Variants in AKAP19 observed in about 807,000 individuals in gnomAD.
AKAP19 encodes small A-kinase anchoring protein.
chr2:190,170,453 G>A, the AKAP19 span, among the ~76,000 whole-genome samples: 10 of 152,198 alleles, frequency 6.6e-5, no homozygotes, highest in Non-Finnish European at 2.9e-5. Context: ...TCTCTGAACT[G>A]TTTCTTCATC....
chr2:190,172,148 G>A, the AKAP19 span, among the ~76,000 whole-genome samples: 1 of 151,988 alleles, frequency 6.6e-6, no homozygotes. Context: ...CTGTTCTTTG[G>A]CATAGGCTAT....
chr2:189,990,593 C>T, the AKAP19 span, among the ~76,000 whole-genome samples: 39 of 152,076 alleles, frequency 2.6e-4, no homozygotes, highest in Non-Finnish European at 3.5e-4. Context: ...GATGTCTTTA[C>T]GAGGCTTTGG....
the AKAP19 span, among the ~76,000 whole-genome samples, chr2:190,089,801 T>TA: frequency 3.3e-5 from 5 of 152,152 alleles, no homozygotes; most frequent in African/African-American, 1.2e-4. Context: ...TCTTGAGTCT[T>TA]ACGTCCTAAG....
At chr2:190,100,706 G>T in the AKAP19 span, among the ~76,000 whole-genome samples, 39 of 152,244 alleles carry the variant, frequency 2.6e-4, no homozygotes, top group African/African-American at 8.2e-4. Flanking sequence ...TTCCAAGACA[G>T]CTGATTAGAG....
At chr2:190,149,051 CCT>C in the AKAP19 span, among the ~76,000 whole-genome samples, 4 of 150,910 alleles carry the variant, frequency 2.7e-5, no homozygotes, top group South Asian at 8.3e-4. Context: ...GCAACCTCTG[CCT>C]CTCAGGTTCA....
chr2:190,044,590 G>T, the AKAP19 span, among the ~76,000 whole-genome samples: 1 of 152,142 alleles, frequency 6.6e-6, no homozygotes, highest in Non-Finnish European at 1.5e-5. Flanking sequence ...GCTGCTACTG[G>T]CTCGATAGCT....
At chr2:190,084,974 G>A in the AKAP19 span, among the ~76,000 whole-genome samples, 1 of 152,202 alleles carries the variant, frequency 6.6e-6, no homozygotes, top group Non-Finnish European at 1.5e-5. Context: ...CAGCCTGGCT[G>A]TAAAGCCCAT....
the AKAP19 span, among the ~76,000 whole-genome samples, chr2:190,068,559 G>A: frequency 6.6e-6 from 1 of 152,060 alleles, no homozygotes; most frequent in Non-Finnish European, 1.5e-5. Flanking sequence ...TCGAACTCCT[G>A]GCCTCAAGTC....
chr2:190,200,432 G>A, the AKAP19 span: 2 of 280,206 alleles, frequency 7.1e-6, no homozygotes, highest in Non-Finnish European at 7.2e-6. Context: ...CTAAGTAATG[G>A]CATCACCAAA....
the AKAP19 span, among the ~76,000 whole-genome samples, chr2:190,140,993 G>A: frequency 6.6e-6 from 1 of 152,134 alleles, no homozygotes; most frequent in Admixed American, 6.5e-5. Flanking sequence ...CAGATCTCTA[G>A]GGCAGGGGAA....
the AKAP19 span, among the ~76,000 whole-genome samples, chr2:190,140,651 C>G: frequency 6.6e-6 from 1 of 152,214 alleles, no homozygotes; most frequent in African/African-American, 2.4e-5. Context: ...AGGCTGCATA[C>G]AGCAGGGAGG....
At chr2:190,081,467 T>C in the AKAP19 span, among the ~76,000 whole-genome samples, 1 of 152,124 alleles carries the variant, frequency 6.6e-6, no homozygotes, top group South Asian at 2.1e-4. Flanking sequence ...CCCTGAAAAT[T>C]ATTTACTCCT....
the AKAP19 span, among the ~76,000 whole-genome samples, chr2:190,168,732 G>A: frequency 6.6e-6 from 1 of 152,140 alleles, no homozygotes; most frequent in Non-Finnish European, 1.5e-5. Context: ...CAGTCTCTTT[G>A]CTAAAACATA....
the AKAP19 span, among the ~76,000 whole-genome samples, chr2:190,083,987 C>A: frequency 6.6e-6 from 1 of 152,064 alleles, no homozygotes; most frequent in African/African-American, 2.4e-5. Flanking sequence ...TATATTATAC[C>A]AGAGCTTCTG....
At chr2:189,909,763 A>T in the AKAP19 span, among the ~76,000 whole-genome samples, 10 of 152,070 alleles carry the variant, frequency 6.6e-5, no homozygotes, top group Non-Finnish European at 1.2e-4. Flanking sequence ...TAATTTTATT[A>T]GGCAAAGAAG....
the AKAP19 span, among the ~76,000 whole-genome samples, chr2:189,897,089 T>A: frequency 6.6e-6 from 1 of 152,124 alleles, no homozygotes; most frequent in African/African-American, 2.4e-5. Flanking sequence ...TGAATGGGGA[T>A]AATGTTTACT....
chr2:190,089,722 A>T, the AKAP19 span: 1 of 152,190 alleles, frequency 6.6e-6, no homozygotes, highest in African/African-American at 2.4e-5. Flanking sequence ...GCTCAAAGGT[A>T]GACATTCAGC....
chr2:189,943,706 C>G, the AKAP19 span, among the ~76,000 whole-genome samples: 2 of 152,244 alleles, frequency 1.3e-5, no homozygotes, highest in Admixed American at 6.5e-5. Context: ...GGGCTGAACC[C>G]TGCAAAGCCA....
the AKAP19 span, among the ~76,000 whole-genome samples, chr2:189,894,823 A>G: frequency 1.4e-3 from 206 of 151,714 alleles, 1 homozygote; most frequent in African/African-American, 4.5e-3. Flanking sequence ...CTCTCATAAT[A>G]TCTTATTTCA....
Sources: allele counts gnomAD v4.1 joint callset (sites outside exome capture counted in the v4.1 genomes callset), GRCh38; gene constraint gnomAD v4.1.1; transcripts MANE v1.5; gene names NCBI Gene and HGNC (gene_info 2026-07-23, HGNC 2026-07-21).